The following ARHGAP24 variants were observed in gnomAD, a reference collection of about 807,000 sequenced individuals.
ARHGAP24 encodes the protein rho GTPase-activating protein 24.
In ARHGAP24, 50 loss-of-function variants were observed where a neutral mutation model predicts 76.4. That is an observed-to-expected ratio of 0.65 (90% confidence interval 0.52 to 0.83). The LOEUF is 0.83. ARHGAP24 is among the 40% of genes least tolerant of loss of function. The pLI, the probability that ARHGAP24 is intolerant of heterozygous loss-of-function variation, is 0.00. For missense variants in ARHGAP24, 930 were observed against 914.2 expected, an observed-to-expected ratio of 1.02 and a Z score of -0.22; for synonymous variants, 345 against 323.3, an observed-to-expected ratio of 1.07 and a Z score of -0.72.
intron 2 of ARHGAP24, among the ~76,000 whole-genome samples, chr4:85,573,262 G>A (rs1485468178): frequency 1.3e-5 from 2 of 152,098 alleles, no homozygotes; most frequent in Non-Finnish European, 2.9e-5. Context: ...GCTTTTTAAT[G>A]TTTTGCCCTG....
intron 2 of ARHGAP24, among the ~76,000 whole-genome samples, chr4:85,683,108 GTGGGGGGGT>G (rs1469087109): frequency 3.2e-5 from 3 of 94,230 alleles, no homozygotes; most frequent in East Asian, 5.4e-4. Context: ...CTCTCAGTGT[GTGGGGGGGT>G]GGGGGGGGGG....
chr4:85,791,110 CCAAA>C (rs774674587), intron 3 of ARHGAP24, among the ~76,000 whole-genome samples: 8 of 152,136 alleles, frequency 5.3e-5, no homozygotes, highest in Non-Finnish European at 8.8e-5. Context: ...CCCTTTTTAA[CCAAA>C]CAAAGAAATA....
intron 2 of ARHGAP24, among the ~76,000 whole-genome samples, chr4:85,700,789 T>C (rs1038640691): frequency 2.6e-5 from 4 of 152,232 alleles, no homozygotes; most frequent in Non-Finnish European, 5.9e-5. Flanking sequence ...AAAGTAGACA[T>C]GGTGAATGTA....
chr4:85,830,699 A>T (rs1282636339), intron 3 of ARHGAP24, among the ~76,000 whole-genome samples: 1 of 152,122 alleles, frequency 6.6e-6, no homozygotes, highest in Non-Finnish European at 1.5e-5. Flanking sequence ...AGATTCCTTA[A>T]ATTAGGCCTC....
chr4:85,788,601 A>G (rs998228649), intron 3 of ARHGAP24, among the ~76,000 whole-genome samples: 47 of 152,212 alleles, frequency 3.1e-4, no homozygotes, highest in African/African-American at 1.1e-3. Context: ...AGACGGTTTA[A>G]TAGAGCTTCA....
intron 3 of ARHGAP24, among the ~76,000 whole-genome samples, chr4:85,734,673 T>A (rs1234114433): frequency 7.6e-6 from 1 of 132,074 alleles, no homozygotes; most frequent in Non-Finnish European, 1.6e-5. Context: ...AGCAATCACA[T>A]TGTCCTTCTC....
chr4:85,733,443 T>G (rs1725493907), intron 3 of ARHGAP24, among the ~76,000 whole-genome samples: 1 of 152,130 alleles, frequency 6.6e-6, no homozygotes, highest in South Asian at 2.1e-4. Context: ...TGGTCCCATA[T>G]AGAAAGTTTT....
At chr4:85,570,777 G>A in intron 2 of ARHGAP24, 56 bp downstream of exon 2, 1 of 1,595,048 alleles carries the variant, frequency 6.3e-7, no homozygotes, top group South Asian at 1.1e-5. Flanking sequence ...GAAATAGAGG[G>A]ATTTGCTAGA....
chr4:85,568,608 G>T (rs1560536157), intron 1 of ARHGAP24, among the ~76,000 whole-genome samples: 1 of 152,122 alleles, frequency 6.6e-6, no homozygotes, highest in Non-Finnish European at 1.5e-5. Context: ...GCTCTGCAGG[G>T]CATAGCAAAT....
intron 4 of ARHGAP24, among the ~76,000 whole-genome samples, chr4:85,939,634 G>A (rs367631803): frequency 5.9e-5 from 9 of 152,144 alleles, no homozygotes; most frequent in African/African-American, 2.2e-4. Context: ...GTACAAGAAA[G>A]TAAAAAGGAA....
At chr4:85,517,701 C>A (rs922603969) in intron 1 of ARHGAP24, among the ~76,000 whole-genome samples, 2 of 151,928 alleles carry the variant, frequency 1.3e-5, no homozygotes, top group Non-Finnish European at 2.9e-5. Flanking sequence ...GCAATGCTTA[C>A]CCGGTTTAAT....
Position 85,923,680 on chromosome 4 carries a change from G to C in ARHGAP24, c.301G>C (p.Glu101Gln). 1 of 1,613,872 alleles carries C rather than the reference G, an allele frequency of 6.2e-7. No individual in the cohort carries two copies. Among genetic ancestry groups the C allele is most frequent in the Non-Finnish European group, 8.5e-7 (1 of 1,179,908 alleles). Reference sequence around the variant, plus strand: ...TCGAGATCGGATGACAGCAAATCATGAAAGCTACCTCCTCATGGCAAGCAC... The same window carrying C: ...TCGAGATCGGATGACAGCAAATCATCAAAGCTACCTCCTCATGGCAAGCAC... Reference protein sequence around the residue: ...GDRDRMTANHESYLLMASTQN... With the variant: ...GDRDRMTANHQSYLLMASTQN... Residue 101 changes from glutamate to glutamine, a missense_variant, in exon 4 of 10, where the codon GAA (glutamate) becomes CAA (glutamine). Glu to Gln is a conservative substitution (Grantham distance 29). Coordinates refer to ENST00000395184, the MANE Select transcript of ARHGAP24 (RefSeq NM_001025616.3).
chr4:85,645,071 C>G (rs1336610054), intron 2 of ARHGAP24, among the ~76,000 whole-genome samples: 2 of 152,188 alleles, frequency 1.3e-5, no homozygotes, highest in South Asian at 2.1e-4. Flanking sequence ...CATTTTCTCT[C>G]GGATAAATTC....
At chr4:85,886,396 A>G (rs1181055570) in intron 3 of ARHGAP24, among the ~76,000 whole-genome samples, 1 of 152,176 alleles carries the variant, frequency 6.6e-6, no homozygotes, top group Non-Finnish European at 1.5e-5. Flanking sequence ...CTCCAGATTA[A>G]CATTCTCATG....
At chr4:85,792,494 T>C (rs1728174514) in intron 3 of ARHGAP24, among the ~76,000 whole-genome samples, 1 of 152,170 alleles carries the variant, frequency 6.6e-6, no homozygotes, top group African/African-American at 2.4e-5. Flanking sequence ...GTTACAATTC[T>C]GAATTTATTG....
At position 85,729,906 on chromosome 4, in the gene ARHGAP24, A is replaced by T. The variant is rs141662122; in HGVS notation, c.268+7934A>T. ...TAGTTTGCTGACCCCTGGGCTAGAT[A>T]AAAAAAGCAAACCTATGAAAAGGAA... On this transcript the variant is annotated intron_variant, in intron 3 of 9. Coordinates refer to ENST00000395184, the MANE Select transcript of ARHGAP24 (RefSeq NM_001025616.3). Among the ~76,000 whole-genome samples, 1,257 of 152,280 alleles carry T rather than the reference A, an allele frequency of 8.3e-3. 15 individuals are homozygous for T. The highest frequency in any genetic ancestry group is 0.028 in the African/African-American group (1,167 of 41,548).
chr4:85,960,553 C>A (rs1271397709), intron 5 of ARHGAP24, among the ~76,000 whole-genome samples: 1 of 152,048 alleles, frequency 6.6e-6, no homozygotes, highest in Non-Finnish European at 1.5e-5. Flanking sequence ...AGAATAATGT[C>A]TGATATAATG....
At chr4:85,868,048 G>A (rs1732306732) in intron 3 of ARHGAP24, among the ~76,000 whole-genome samples, 1 of 151,654 alleles carries the variant, frequency 6.6e-6, no homozygotes, top group African/African-American at 2.4e-5. Flanking sequence ...CAAAGTGGTT[G>A]GGTTGCAGCT....
At chr4:85,794,960 G>C (rs143239575) in intron 3 of ARHGAP24, among the ~76,000 whole-genome samples, 50 of 152,296 alleles carry the variant, frequency 3.3e-4, no homozygotes, top group African/African-American at 1.2e-3. Flanking sequence ...GTACCTCTTG[G>C]GTTATCCCCC....
Sources: gnomAD v4.1 joint callset for allele counts (sites outside exome capture counted in the v4.1 genomes callset) on GRCh38, gnomAD v4.1.1 for gene constraint, MANE v1.5 for transcripts, NCBI Gene and HGNC (gene_info 2026-07-23, HGNC 2026-07-21) for gene names.